ABTB2: variants seen among roughly 807,000 people sequenced by gnomAD.
The protein encoded by ABTB2 is ankyrin repeat and BTB/POZ domain-containing protein 2.
ABTB2 carries 56 observed loss-of-function variants against 104.1 expected under a neutral mutation model. The observed-to-expected ratio is 0.54, with a 90% CI of 0.43 to 0.67. The LOEUF is 0.67. ABTB2 is among the 30% of genes least tolerant of loss of function. The pLI is 0.00. For missense variants in ABTB2, 1,279 were observed against 1,407.7 expected, an observed-to-expected ratio of 0.91 and a Z score of 1.46; for synonymous variants, 606 against 608.2, an observed-to-expected ratio of 1.00 and a Z score of 0.05.
At chr11:34,234,328 A>C (rs1853811962) in intron 1 of ABTB2, among the ~76,000 whole-genome samples, 1 of 152,186 alleles carries the variant, frequency 6.6e-6, no homozygotes, top group Non-Finnish European at 1.5e-5. Context: ...TCAAGCGAGA[A>C]ATGGAGAACT....
At position 34,231,236 on chromosome 11, in the gene ABTB2, C is replaced by T. The variant is rs11032567; in HGVS notation, c.884-26546G>A. Among the ~76,000 whole-genome samples, 743 of 152,262 alleles carry T rather than the reference C, an allele frequency of 4.9e-3. 30 individuals carry two copies. The East Asian group carries it at 0.092, about 19-fold the overall frequency. ...AATTTGCATAACAAAATAAATAACA[C>T]AATATTGCATAATGACCCAAAGTAT... On this transcript the variant is annotated intron_variant, in intron 1 of 16. Transcript: ENST00000435224.
chr11:34,238,868 T>C (rs112473545), intron 1 of ABTB2, among the ~76,000 whole-genome samples: 6,082 of 152,156 alleles, frequency 0.04, 437 homozygotes, highest in African/African-American at 0.14. Context: ...ATTCTCCTGC[T>C]TCCGCCTCCT....
intron 1 of ABTB2, among the ~76,000 whole-genome samples, chr11:34,331,678 A>C (rs992188331): frequency 6.6e-6 from 1 of 152,234 alleles, no homozygotes; most frequent in Admixed American, 6.5e-5. Context: ...TCTTCAGTTG[A>C]TAAATGAATC....
intron 1 of ABTB2, among the ~76,000 whole-genome samples, chr11:34,324,476 C>T (rs144652715): frequency 5.9e-5 from 9 of 152,316 alleles, no homozygotes; most frequent in African/African-American, 2.2e-4. Context: ...ACTTGTCATT[C>T]CCACAGTAAG....
intron 1 of ABTB2, among the ~76,000 whole-genome samples, chr11:34,251,461 G>A (rs1221596294): frequency 1.3e-5 from 2 of 152,198 alleles, no homozygotes. Context: ...TGCTAGGGTG[G>A]CTGGCTCTGT....
At chr11:34,211,854 A>C (rs868551835) in intron 1 of ABTB2, among the ~76,000 whole-genome samples, 16 of 140,362 alleles carry the variant, frequency 1.1e-4, no homozygotes, top group Middle Eastern at 3.9e-3. Context: ...GCACCACTGC[A>C]CTCCAGCCTG....
At chr11:34,239,657 G>A (rs768023354) in intron 1 of ABTB2, among the ~76,000 whole-genome samples, 19 of 152,156 alleles carry the variant, frequency 1.2e-4, no homozygotes, top group Admixed American at 2.0e-4. Flanking sequence ...ACCCCCACCC[G>A]GGGCTTTCTG....
intron 1 of ABTB2, among the ~76,000 whole-genome samples, chr11:34,338,556 A>AG (rs1855221910): frequency 6.7e-6 from 1 of 149,742 alleles, no homozygotes; most frequent in African/African-American, 2.4e-5. Flanking sequence ...AAAAAAAAAA[A>AG]TTAGCCGGGC....
chr11:34,207,260 G>A (rs965971308), intron 1 of ABTB2, among the ~76,000 whole-genome samples: 4 of 152,214 alleles, frequency 2.6e-5, no homozygotes, highest in African/African-American at 9.6e-5. Flanking sequence ...AATTTACAGA[G>A]CTTAGGGTAA....
chr11:34,348,833 T>C (rs1281250841), intron 1 of ABTB2, among the ~76,000 whole-genome samples: 1 of 152,172 alleles, frequency 6.6e-6, no homozygotes, highest in African/African-American at 2.4e-5. Context: ...TGTTTGAAGG[T>C]GGTCACTATA....
intron 1 of ABTB2, among the ~76,000 whole-genome samples, chr11:34,337,281 A>C (rs1218809538): frequency 4.6e-5 from 7 of 151,998 alleles, no homozygotes; most frequent in Non-Finnish European, 8.8e-5. Context: ...GGAAGGAGGC[A>C]GGGGTTGAGG....
rs1166310193 is a variant in ABTB2 at position 34,356,124 on chromosome 11, T to C, written c.883+577A>G. ...GCACATATAGGTAAGAGCGAACCAC[T>C]ACCCCTCCATCCCCCAAGAGAGCGC... is the stretch of plus-strand genomic sequence containing the variant. On this transcript the variant is annotated intron_variant, in intron 1 of 16. Transcript: ENST00000435224. This position sits in a 1 kb window ranked among gnomAD's most constrained non-coding sequence, Gnocchi z 4.6. Among the ~76,000 whole-genome samples, 1 of 152,110 alleles carries C rather than the reference T, an allele frequency of 6.6e-6. No homozygotes were observed. The highest frequency in any genetic ancestry group is 1.5e-5 in the Non-Finnish European group (1 of 68,020).
intron 1 of ABTB2, among the ~76,000 whole-genome samples, chr11:34,349,868 G>A (rs181577186): frequency 5.0e-4 from 76 of 152,240 alleles, no homozygotes; most frequent in African/African-American, 6.5e-4. Flanking sequence ...ACTAAGGCAC[G>A]GAAGTGAAAC....
intron 1 of ABTB2, among the ~76,000 whole-genome samples, chr11:34,343,483 T>C (rs1855289229): frequency 6.6e-6 from 1 of 151,882 alleles, no homozygotes; most frequent in South Asian, 2.1e-4. Flanking sequence ...ACACACACTT[T>C]TTTTCTTTTG....
At chr11:34,214,390 G>T (rs1461153202) in intron 1 of ABTB2, among the ~76,000 whole-genome samples, 1 of 152,082 alleles carries the variant, frequency 6.6e-6, no homozygotes. Flanking sequence ...TGAGAGAGGG[G>T]ATGAGATGTA....
At chr11:34,310,637 A>G (rs1480873363) in intron 1 of ABTB2, among the ~76,000 whole-genome samples, 1 of 151,720 alleles carries the variant, frequency 6.6e-6, no homozygotes, top group Non-Finnish European at 1.5e-5. Context: ...CCCCTCACAC[A>G]TGCTGTTCCC....
intron 1 of ABTB2, among the ~76,000 whole-genome samples, chr11:34,224,540 T>C (rs528431807): frequency 7.9e-5 from 12 of 152,262 alleles, no homozygotes; most frequent in African/African-American, 1.7e-4. Flanking sequence ...ATGGTCTTCA[T>C]AGAGCCTCCC....
At chr11:34,344,394 C>T (rs1469771582) in intron 1 of ABTB2, among the ~76,000 whole-genome samples, 4 of 152,152 alleles carry the variant, frequency 2.6e-5, no homozygotes, top group Admixed American at 2.6e-4. Flanking sequence ...TCTATGCAGC[C>T]CTGCTATACT....
chr11:34,258,521 G>A (rs1854150405), intron 1 of ABTB2, among the ~76,000 whole-genome samples: 1 of 151,556 alleles, frequency 6.6e-6, no homozygotes, highest in Non-Finnish European at 1.5e-5. Flanking sequence ...GGAAACAGCA[G>A]TAGGAATTGC....
Sources: gnomAD v4.1 joint callset for allele counts (sites outside exome capture counted in the v4.1 genomes callset) on GRCh38, gnomAD v4.1.1 for gene constraint, Gnocchi (gnomAD v3.1) non-coding constraint, MANE v1.5 for transcripts, NCBI Gene and HGNC (gene_info 2026-07-23, HGNC 2026-07-21) for gene names.